Variants in HOMER2 observed in about 807,000 individuals in gnomAD.
HOMER2 encodes homer scaffold protein 2, also known as homer protein homolog 2.
In HOMER2, 27 loss-of-function variants were observed where a neutral mutation model predicts 47.0. That is an observed-to-expected ratio of 0.57 (90% CI 0.42 to 0.79). The LOEUF (loss-of-function observed/expected upper bound fraction) is 0.79. HOMER2 is among the 30% of genes least tolerant of loss of function. The pLI, the probability that HOMER2 is intolerant of heterozygous loss-of-function variation, is 0.00. For missense variants in HOMER2, 443 were observed against 435.0 expected (o/e 1.02, Z -0.16); for synonymous variants, 161 against 163.8 (o/e 0.98, Z 0.13).
At chr15:82,898,092 G>A (rs1001201817) in intron 1 of HOMER2, among the ~76,000 whole-genome samples, 4 of 152,190 alleles carry the variant, frequency 2.6e-5, no homozygotes, top group African/African-American at 9.7e-5. Context: ...TCACCACACA[G>A]AAAATCAAAG....
intron 2 of HOMER2, among the ~76,000 whole-genome samples, chr15:82,876,325 C>G (rs963775942): frequency 6.6e-6 from 1 of 152,160 alleles, no homozygotes; most frequent in Non-Finnish European, 1.5e-5. Flanking sequence ...GCACATGGTA[C>G]TTTTATTCAT....
chr15:82,893,374 C>T (rs1304746251), intron 1 of HOMER2, among the ~76,000 whole-genome samples: 2 of 146,770 alleles, frequency 1.4e-5, no homozygotes, highest in African/African-American at 5.1e-5. Flanking sequence ...GCTCTGTTGC[C>T]CAGGCTGGAG....
chr15:82,963,557 G>T (rs1000107679), intron 1 of HOMER2, among the ~76,000 whole-genome samples: 1 of 152,188 alleles, frequency 6.6e-6, no homozygotes, highest in African/African-American at 2.4e-5. Flanking sequence ...TTGCCTCATC[G>T]TATGAATCAC....
intron 1 of HOMER2, among the ~76,000 whole-genome samples, chr15:82,961,493 A>G (rs532246452): frequency 6.6e-4 from 100 of 152,348 alleles, no homozygotes; most frequent in Non-Finnish European, 7.3e-4. Context: ...AACTATCACA[A>G]AAGCTGAGTG....
At chr15:82,841,126 A>C (rs1391443155) in exon 2 of HOMER2, 2 of 152,186 alleles carry the variant, frequency 1.3e-5, no homozygotes, top group East Asian at 3.8e-4. Flanking sequence ...AGTAATACAC[A>C]ATCTTTGTAG....
chr15:82,841,330 A>G (rs1475966873), exon 2 of HOMER2: 5 of 152,200 alleles, frequency 3.3e-5, no homozygotes, highest in Non-Finnish European at 5.9e-5. Context: ...ATCTAAAGTC[A>G]TAATAGAGAA....
intron 1 of HOMER2, among the ~76,000 whole-genome samples, chr15:82,928,145 G>A (rs1413239815): frequency 6.6e-6 from 1 of 152,172 alleles, no homozygotes. Flanking sequence ...CTAAAGACCA[G>A]CCAGAAGTAC....
intron 1 of HOMER2, among the ~76,000 whole-genome samples, chr15:82,894,098 T>C (rs1477222062): frequency 6.6e-6 from 1 of 152,242 alleles, no homozygotes; most frequent in African/African-American, 2.4e-5. Flanking sequence ...TCTGCTATTC[T>C]TGCCTCTATA....
intron 2 of HOMER2, among the ~76,000 whole-genome samples, chr15:82,881,690 T>C (rs2052527088): frequency 6.6e-6 from 1 of 152,222 alleles, no homozygotes. Flanking sequence ...AAAGTAATTT[T>C]ACATTTCCAA....
upstream of HOMER2, chr15:82,952,785 C>T: frequency 1.2e-6 from 1 of 863,332 alleles, no homozygotes; most frequent in Non-Finnish European, 1.4e-6. Flanking sequence ...AGCCGCTACC[C>T]CCGCCCGGCT....
intron 5 of HOMER2, 62 bp from the exon 6 acceptor site, chr15:82,854,862 G>A (rs1193782432): frequency 1.3e-5 from 20 of 1,559,236 alleles, no homozygotes; most frequent in Admixed American, 5.1e-5. Flanking sequence ...CTCCGCCCGC[G>A]TGGGGAAGGG....
exon 2 of HOMER2, chr15:82,842,243 TACTC>T (rs1324594045): frequency 6.6e-6 from 1 of 152,120 alleles, no homozygotes; most frequent in Non-Finnish European, 1.5e-5. Context: ...ATGTAAATTT[TACTC>T]AATCCAATTT....
At position 82,871,277 on chromosome 15, in the gene HOMER2, G is replaced by C. The variant is rs568489605; in HGVS notation, c.294+3996C>G. Among the ~76,000 whole-genome samples the C allele has an allele frequency of 5.9e-4, 90 of 152,282 alleles. 4 individuals carry two copies. The highest frequency in any genetic ancestry group is 1.9e-3 in the South Asian group (9 of 4,820). ...ACCAAGGCATCTATTTTCTTTCTGG[G>C]GGGTAGAGAGGGAAGTATGTATAAA... On this transcript the variant is annotated intron_variant, in intron 3 of 8. Coordinates refer to ENST00000450735, the MANE Select transcript of HOMER2 (RefSeq NM_004839.4).
chr15:82,857,133 T>C (rs1322872852), intron 5 of HOMER2, among the ~76,000 whole-genome samples: 1 of 152,036 alleles, frequency 6.6e-6, no homozygotes, highest in African/African-American at 2.4e-5. Context: ...GAGAGGTAAC[T>C]AGGATTAGGT....
chr15:82,967,710 C>T (rs756104723), intron 1 of HOMER2, among the ~76,000 whole-genome samples: 17 of 152,052 alleles, frequency 1.1e-4, no homozygotes, highest in Admixed American at 2.0e-4. Flanking sequence ...CCCACCTCTA[C>T]TACTAAAAAT....
At chr15:82,949,756 T>A (rs1015354610) in intron 1 of HOMER2, among the ~76,000 whole-genome samples, 1 of 152,172 alleles carries the variant, frequency 6.6e-6, no homozygotes, top group Admixed American at 6.5e-5. Context: ...ACTAGCTACA[T>A]GTGGCTATTT....
exon 2 of HOMER2, chr15:82,839,941 C>A (rs1208812776): frequency 6.6e-6 from 1 of 152,100 alleles, no homozygotes; most frequent in African/African-American, 2.4e-5. Flanking sequence ...GCCATACTCT[C>A]TTTGACAAGG....
At chr15:82,894,207 T>A (rs1055058613) in intron 1 of HOMER2, among the ~76,000 whole-genome samples, 1 of 152,226 alleles carries the variant, frequency 6.6e-6, no homozygotes, top group Non-Finnish European at 1.5e-5. Context: ...AATTAGATTT[T>A]GACAATACGC....
chr15:82,986,123 C>A (rs1040902036), upstream of HOMER2: 4 of 984,932 alleles, frequency 4.1e-6, no homozygotes, highest in African/African-American at 7.0e-5. Context: ...AAGAAGCGAT[C>A]TGTTGCAAAG....
Sources: gnomAD v4.1 joint callset for allele counts (sites outside exome capture counted in the v4.1 genomes callset) on GRCh38, gnomAD v4.1.1 for gene constraint, MANE v1.5 for transcripts, NCBI Gene and HGNC (gene_info 2026-07-23, HGNC 2026-07-21) for gene names.